Variants in TARBP1 observed in about 807,000 individuals in gnomAD.
The protein encoded by TARBP1 is tRNA (guanosine(18)-2'-O)-methyltransferase TARBP1.
Under a neutral mutation model 178.6 loss-of-function variants are expected in TARBP1, and 144 were observed. The observed-to-expected ratio is 0.81, with a 90% CI of 0.70 to 0.93. TARBP1 has a LOEUF of 0.93. Among genes scored for constraint, TARBP1 ranks in the 40% least tolerant of loss-of-function variants. The pLI is 0.00. For synonymous variants in TARBP1, 787 were observed against 781.0 expected (o/e 1.01, Z -0.13); for missense variants, 2,067 against 2,011.7 (o/e 1.03, Z -0.53).
chr1:234,471,375 G>A (rs1251074418), intron 2 of TARBP1, 118 bp from the exon 3 acceptor site: 9 of 679,106 alleles, frequency 1.3e-5, no homozygotes, highest in Non-Finnish European at 2.3e-5. Context: ...TATGTAGAAA[G>A]AGCCTGATTT....
Position 234,391,665 on chromosome 1 carries a change from C to T in TARBP1, c.4778G>A (p.Arg1593His), listed in dbSNP as rs759945742. ...TCCACTCACATGGACATTCAGGGAG[C>T]GGATAATGCCCTGTTGAGGAATTTC... Reference protein sequence around the residue: ...CVEIPQQGIIRSLNVHVSGAL... With the variant: ...CVEIPQQGIIHSLNVHVSGAL... The change falls in exon 30 of 30, where the codon CGC (arginine) becomes CAC (histidine). Residue 1593 changes from arginine (R) to histidine (H), a missense_variant. Coordinates refer to ENST00000040877, the MANE Select transcript of TARBP1 (RefSeq NM_005646.4). 1.1e-5 allele frequency: 18 copies of T among 1,613,548 alleles called. No homozygotes were observed. Among genetic ancestry groups the T allele is most frequent in the African/African-American group, 5.3e-5 (4 of 74,884 alleles).
At chr1:234,443,752 A>C (rs570341884) in intron 12 of TARBP1, among the ~76,000 whole-genome samples, 1 of 152,320 alleles carries the variant, frequency 6.6e-6, no homozygotes, top group East Asian at 1.9e-4. Context: ...CTAGCCAAAC[A>C]ACAGAATATT....
intron 1 of TARBP1, among the ~76,000 whole-genome samples, chr1:234,474,338 T>C (rs1165891905): frequency 6.9e-6 from 1 of 145,732 alleles, no homozygotes; most frequent in African/African-American, 2.5e-5. Context: ...AGAAAATCCT[T>C]AGGAGAGAAA....
chr1:234,467,911 C>A (rs1047925326), intron 3 of TARBP1, among the ~76,000 whole-genome samples: 4 of 152,088 alleles, frequency 2.6e-5, no homozygotes, highest in African/African-American at 7.2e-5. Context: ...AGTTTCCTAG[C>A]AGGACTACAG....
intron 24 of TARBP1, among the ~76,000 whole-genome samples, chr1:234,402,884 C>T (rs1035340130): frequency 1.3e-5 from 2 of 152,064 alleles, no homozygotes; most frequent in African/African-American, 4.8e-5. Context: ...CTGCAGCTGG[C>T]CCCCTCTTGT....
At chr1:234,457,613 G>T in intron 9 of TARBP1, 54 bp downstream of exon 9, 1 of 1,307,690 alleles carries the variant, frequency 7.6e-7, no homozygotes, top group Non-Finnish European at 1.1e-6. Context: ...AATTCATTAA[G>T]AAAACCATTT....
At chr1:234,457,163 G>C (rs974414275) in intron 9 of TARBP1, among the ~76,000 whole-genome samples, 25 of 152,330 alleles carry the variant, frequency 1.6e-4, no homozygotes, top group African/African-American at 5.8e-4. Context: ...CACATGAGGA[G>C]GGTCTGAGCT....
intron 4 of TARBP1, among the ~76,000 whole-genome samples, chr1:234,466,661 G>A (rs1030528966): frequency 2.6e-5 from 4 of 152,092 alleles, no homozygotes; most frequent in East Asian, 3.9e-4. Flanking sequence ...CCAGGAGTTC[G>A]AGACCAGCCC....
intron 22 of TARBP1, among the ~76,000 whole-genome samples, chr1:234,412,076 T>A (rs1242081499): frequency 6.6e-6 from 1 of 152,198 alleles, no homozygotes; most frequent in Non-Finnish European, 1.5e-5. Context: ...TTATGTGCTA[T>A]GAAAACCTAA....
In TARBP1 at chr1:234,478,346, C is replaced by A; in HGVS notation, c.758G>T (p.Arg253Leu). The A allele has an allele frequency of 7.8e-7, 1 of 1,275,726 alleles. No homozygotes were observed. 79.0% of individuals were successfully genotyped at this position (1,275,726 alleles called of 1,614,324 possible). A position where few individuals can be genotyped will look rare whatever the true frequency, so the allele number is the denominator to read the frequency against. ...EPGGDRARGA[R>L]EAGPDARRCW... is the part of the protein sequence containing the mutation. ...GCGCCGGGCGTCCGGGCCCGCCTCG[C>A]GCGCGCCGCGGGCGCGGTCGCCGCC... Residue 253 changes from arginine to leucine, a missense_variant, in exon 1 of 30, where the codon CGC becomes CTC. By Grantham distance (102) the Arg-to-Leu change is moderately radical. Transcript: ENST00000040877.
chr1:234,391,573 C>CACAT lies in TARBP1; in HGVS notation c.4866_*3dup, dbSNP rs562275169. 61 of 1,598,872 alleles carry CACAT rather than the reference C, an allele frequency of 3.8e-5. 1 individual carries two copies. In the East Asian group the frequency reaches 7.9e-4, roughly 21 times the overall value. Reference sequence around the variant, plus strand: ...AGCAGCAGCAGTTCACTAAGGAAGGCACATCATGGCTTGGTATCTCCGTGC... The same window carrying CACAT: ...AGCAGCAGCAGTTCACTAAGGAAGGCACATACATCATGGCTTGGTATCTCCGTGC... On this transcript the variant is annotated 3_prime_UTR_variant, in exon 30 of 30. Coordinates refer to ENST00000040877, the MANE Select transcript of TARBP1 (RefSeq NM_005646.4).
Position 234,429,476 on chromosome 1 carries a change from T to C in TARBP1, c.2811A>G (p.Thr937=). The change falls in exon 16 of 30, where the codon ACA becomes ACG. Residue 937 remains threonine (T), a synonymous_variant. Transcript: ENST00000040877. ...GTAAAACTTGATCAGAAGAAAGAAC[T>C]GTGAGGGCTTCTAGTGCAGACTGCA... ...RTLQSALEAL[T]VLSSDQVLPV... 3 of 1,614,142 alleles carry C rather than the reference T, an allele frequency of 1.9e-6. No individual in the cohort carries two copies. Among genetic ancestry groups the C allele is most frequent in the South Asian group, 2.2e-5 (2 of 91,066 alleles).
At chr1:234,457,360 G>A (rs1237868307) in intron 9 of TARBP1, among the ~76,000 whole-genome samples, 1 of 152,196 alleles carries the variant, frequency 6.6e-6, no homozygotes, top group East Asian at 1.9e-4. Flanking sequence ...CACTTACTGT[G>A]TTTGAGTCTA....
Position 234,450,454 on chromosome 1 carries a change from T to C in TARBP1, c.1835A>G (p.Glu612Gly). ...TTCCCAAGCAGATGACTTAACATAC[T>C]CTTGAACAATGCTCTTTACATAAGC... ...LNAYVKSIVQ[E>G]YVKSSAWETG... The change falls in exon 10 of 30, where the codon GAG becomes GGG. Residue 612 changes from glutamate (E) to glycine (G), a missense_variant. Physicochemically the swap from Glu to Gly is moderately conservative, Grantham distance 98. Coordinates refer to ENST00000040877, the MANE Select transcript of TARBP1 (RefSeq NM_005646.4). The C allele has an allele frequency of 6.2e-7, 1 of 1,607,184 alleles. No homozygotes were observed. Among genetic ancestry groups the C allele is most frequent in the Non-Finnish European group, 8.5e-7 (1 of 1,177,920 alleles).
chr1:234,420,745 C>G lies in TARBP1; in HGVS notation c.3512G>C (p.Arg1171Pro). Residue 1171 changes from arginine (R) to proline (P), a missense_variant, in exon 21 of 30, where the codon CGA becomes CCA. Physicochemically the swap from Arg to Pro is moderately radical, Grantham distance 103. Transcript: ENST00000040877. The part of the protein sequence containing the change: ...VNSLQHRVKN[R>P]VWQTLLVLFP... ...AAGTACCAGCAGAGTCTGCCACACT[C>G]GGTTTTTCACTCTGTGCTGTAGAGA... is the stretch of plus-strand genomic sequence containing the variant. 6.2e-7 allele frequency: 1 copy of G among 1,612,798 alleles called. No individual in the cohort carries two copies. The highest frequency in any genetic ancestry group is 8.5e-7 in the Non-Finnish European group (1 of 1,179,422).
At chr1:234,469,768 G>T (rs1005153021) in intron 3 of TARBP1, among the ~76,000 whole-genome samples, 19 of 152,324 alleles carry the variant, frequency 1.2e-4, no homozygotes, top group African/African-American at 4.1e-4. Context: ...CATTTAGGAA[G>T]CTCCAGCTTC....
At chr1:234,460,123 T>TA in intron 7 of TARBP1, 138 bp downstream of exon 7, 1 of 978,672 alleles carries the variant, frequency 1.0e-6, no homozygotes, top group Non-Finnish European at 1.4e-6. Flanking sequence ...TTTTCTTATG[T>TA]AAAATTAAGA....
In TARBP1 at chr1:234,450,026, C is replaced by T. The variant is rs1260221973; in HGVS notation, c.1861+402G>A. On this transcript the variant is annotated intron_variant, in intron 10 of 29. Coordinates refer to ENST00000040877, the MANE Select transcript of TARBP1 (RefSeq NM_005646.4). Reference sequence around the variant, plus strand: ...AATTGTTTTTCATAATCAGTTCATACTAAACGTGCTTTAAAAATGAAAAAG... The same window carrying T: ...AATTGTTTTTCATAATCAGTTCATATTAAACGTGCTTTAAAAATGAAAAAG... Among the ~76,000 whole-genome samples, 3 of 152,130 alleles carry T rather than the reference C, an allele frequency of 2.0e-5. No individual in the cohort carries two copies. The East Asian group carries it at 5.8e-4, about 29-fold the overall frequency.
At chr1:234,414,161 C>T (rs187186405) in intron 22 of TARBP1, among the ~76,000 whole-genome samples, 1 of 152,306 alleles carries the variant, frequency 6.6e-6, no homozygotes, top group African/African-American at 2.4e-5. Context: ...GTCTCTGCTG[C>T]AACTGTTCAA....
Sources: allele counts gnomAD v4.1 joint callset (sites outside exome capture counted in the v4.1 genomes callset), GRCh38; gene constraint gnomAD v4.1.1; transcripts MANE v1.5; gene names NCBI Gene and HGNC (gene_info 2026-07-23, HGNC 2026-07-21).